NAV2: variants seen among roughly 807,000 people sequenced by gnomAD.
NAV2 encodes the protein neuron navigator 2, also known as helicase, APC down-regulated 1.
Under a neutral mutation model 223.2 loss-of-function variants are expected in NAV2, and 54 were observed. The observed-to-expected ratio is 0.24, with a 90% CI of 0.19 to 0.30. The LOEUF (loss-of-function observed/expected upper bound fraction) is 0.30. Ranked by LOEUF, NAV2 falls within the 10% of genes least tolerant of loss-of-function variation. NAV2 has a pLI of 1.00. For missense variants in NAV2, 2,806 were observed against 3,147.5 expected (o/e 0.89, Z 2.60); for synonymous variants, 1,279 against 1,239.3 (o/e 1.03, Z -0.67).
At chr11:19,761,173 G>A (rs2054707250) in intron 1 of NAV2, among the ~76,000 whole-genome samples, 1 of 152,008 alleles carries the variant, frequency 6.6e-6, no homozygotes, top group African/African-American at 2.4e-5. Flanking sequence ...AAAAGAGAGG[G>A]CAGTCTGGAG....
intron 11 of NAV2, among the ~76,000 whole-genome samples, chr11:20,002,613 C>T (rs866169263): frequency 1.3e-5 from 2 of 152,060 alleles, no homozygotes; most frequent in African/African-American, 2.4e-5. Context: ...ACAGAATGTG[C>T]GGGAGGGATG....
chr11:19,531,229 C>T lies in NAV2; in HGVS notation c.75+180202C>T, dbSNP rs573512953. On this transcript the variant is annotated intron_variant, in intron 1 of 37. Coordinates refer to the NAV2 transcript ENST00000360655. Reference sequence around the variant, plus strand: ...TCTGGTAGGGGAAACAGAAGATAGACATGGAAAGAAAGAAATATATGTAAT... The same window carrying T: ...TCTGGTAGGGGAAACAGAAGATAGATATGGAAAGAAAGAAATATATGTAAT... Among the ~76,000 whole-genome samples, 4 of 152,228 alleles carry T rather than the reference C, an allele frequency of 2.6e-5. No homozygotes were observed. The South Asian group carries it at 8.3e-4, about 32-fold the overall frequency.
intron 1 of NAV2, among the ~76,000 whole-genome samples, chr11:19,715,548 G>A (rs931666094): frequency 2.0e-5 from 3 of 152,168 alleles, no homozygotes; most frequent in East Asian, 1.9e-4. Context: ...AGGAGCACCC[G>A]AGGAATGAGA....
At chr11:19,353,169 T>C (rs895136080) in intron 1 of NAV2, among the ~76,000 whole-genome samples, 1 of 152,196 alleles carries the variant, frequency 6.6e-6, no homozygotes, top group African/African-American at 2.4e-5. Context: ...AAGCATTCAT[T>C]GGCACCAGAT....
At chr11:19,511,219 T>C (rs2043268965) in intron 1 of NAV2, 2 of 152,320 alleles carry the variant, frequency 1.3e-5, no homozygotes, top group Non-Finnish European at 2.9e-5. Context: ...AAGGAATGGA[T>C]GGGAGAGCAG....
chr11:19,904,277 C>T (rs1051628822), intron 6 of NAV2, among the ~76,000 whole-genome samples: 4 of 152,020 alleles, frequency 2.6e-5, no homozygotes, highest in Admixed American at 2.0e-4. Context: ...ATGTACCAAG[C>T]ATTATGCCAG....
At chr11:19,714,616 G>A (rs920545102) in intron 1 of NAV2, 6 of 375,208 alleles carry the variant, frequency 1.6e-5, no homozygotes, top group Admixed American at 6.5e-5. Flanking sequence ...GTGGGGGTGG[G>A]GGTGGAGGTG....
chr11:19,421,145 C>T (rs1254953112), intron 1 of NAV2, among the ~76,000 whole-genome samples: 1 of 152,202 alleles, frequency 6.6e-6, no homozygotes, highest in African/African-American at 2.4e-5. Context: ...CCCTTCTCTC[C>T]ATCTCTTCAT....
intron 1 of NAV2, among the ~76,000 whole-genome samples, chr11:19,534,750 G>A (rs1171737372): frequency 2.0e-5 from 3 of 152,194 alleles, no homozygotes; most frequent in East Asian, 1.9e-4. Flanking sequence ...GGAAAACTGA[G>A]AGACCTTGCA....
chr11:19,975,206 A>C (rs1394656648), intron 10 of NAV2, among the ~76,000 whole-genome samples: 1 of 152,240 alleles, frequency 6.6e-6, no homozygotes, highest in Non-Finnish European at 1.5e-5. Flanking sequence ...AATTCAGGCA[A>C]GACCAGTTTC....
At chr11:19,634,032 A>G (rs919282303) in intron 1 of NAV2, among the ~76,000 whole-genome samples, 1 of 152,232 alleles carries the variant, frequency 6.6e-6, no homozygotes, top group African/African-American at 2.4e-5. Flanking sequence ...TCCTTCTGTC[A>G]CACTGTGCCA....
chr11:19,791,079 GAGTT>G (rs1202063219), intron 1 of NAV2, among the ~76,000 whole-genome samples: 4 of 152,110 alleles, frequency 2.6e-5, no homozygotes, highest in African/African-American at 4.8e-5. Context: ...AATTTACCCA[GAGTT>G]AGTTAGTAAG....
intron 36 of NAV2, 111 bp downstream of exon 36, chr11:20,107,893 C>A (rs1392650548): frequency 6.6e-6 from 5 of 763,302 alleles, no homozygotes; most frequent in Middle Eastern, 3.4e-4. Context: ...GGGGTGACAA[C>A]CCCTCACCTG....
chr11:19,539,874 G>A (rs1031034423), intron 1 of NAV2, among the ~76,000 whole-genome samples: 3 of 152,138 alleles, frequency 2.0e-5, no homozygotes, highest in African/African-American at 7.2e-5. Flanking sequence ...ATAATCAAAC[G>A]AATGGCTGCA....
chr11:19,702,787 ATAATAATAATAATAATAG>A (rs1382105288), intron 1 of NAV2, among the ~76,000 whole-genome samples: 63 of 55,350 alleles, frequency 1.1e-3, no homozygotes, highest in East Asian at 3.1e-3. Flanking sequence ...CAAAATAATA[ATAATAATAATAATAATAG>A]TAATAATAAT....
intron 15 of NAV2, among the ~76,000 whole-genome samples, 198 bp from the exon 16 acceptor site, chr11:20,049,638 C>G (rs535102078): frequency 6.6e-6 from 1 of 152,040 alleles, no homozygotes; most frequent in South Asian, 2.1e-4. Flanking sequence ...TCCTCCTGGA[C>G]TGATAGGAAA....
At chr11:20,037,717 C>T (rs773571961) in intron 12 of NAV2, among the ~76,000 whole-genome samples, 1 of 152,116 alleles carries the variant, frequency 6.6e-6, no homozygotes. Flanking sequence ...GTACAAAAAC[C>T]AAACAAACAA....
chr11:20,090,911 C>T lies in NAV2; in HGVS notation c.5545C>T (p.Arg1849Ter), dbSNP rs1418608328. The change falls in exon 27 of 38, where the codon CGA (arginine) becomes TGA (stop). Residue 1849 changes from arginine to a stop codon, truncating the protein, a stop_gained. Transcript: ENST00000349880. LOFTEE classifies it high-confidence loss of function. ...TGAAGCTGAGACCGTCATGCAGCTC[C>T]GAAATGAGTTAAGAGACAAGGAGAT... ...DSEAETVMQL[R>*]NELRDKEMKL... 1 of 1,613,836 alleles carries T rather than the reference C, an allele frequency of 6.2e-7. No homozygotes were observed. Among genetic ancestry groups the T allele is most frequent in the East Asian group, 2.2e-5 (1 of 44,878 alleles).
intron 1 of NAV2, among the ~76,000 whole-genome samples, chr11:19,704,494 T>A (rs1476220805): frequency 1.3e-5 from 2 of 152,202 alleles, no homozygotes; most frequent in Middle Eastern, 3.2e-3. Context: ...AGTAGGATCT[T>A]AAGTAAGATA....
Sources: gnomAD v4.1 joint callset for allele counts (sites outside exome capture counted in the v4.1 genomes callset) on GRCh38, gnomAD v4.1.1 for gene constraint, MANE v1.5 for transcripts, NCBI Gene and HGNC (gene_info 2026-07-23, HGNC 2026-07-21) for gene names.